The following EXOC6B variants were observed in gnomAD, a reference collection of about 807,000 sequenced individuals.
EXOC6B encodes exocyst complex component 6B, also known as SEC15 homolog B.
Under a neutral mutation model 113.5 loss-of-function variants are expected in EXOC6B, and 54 were observed. The observed-to-expected ratio is 0.48, with a 90% CI of 0.38 to 0.60. The LOEUF is 0.60. Among genes scored for constraint, EXOC6B ranks in the 20% least tolerant of loss-of-function variants. The probability of loss-of-function intolerance (pLI) is 0.00; values close to 1 mark genes in which losing one functional copy is unlikely to be tolerated. For synonymous variants in EXOC6B, 357 were observed against 339.0 expected, an observed-to-expected ratio of 1.05 and a Z score of -0.58; for missense variants, 797 against 977.5, an observed-to-expected ratio of 0.82 and a Z score of 2.46.
At chr2:72,595,292 T>TATATAG (rs1558828060) in intron 6 of EXOC6B, among the ~76,000 whole-genome samples, 25 of 143,014 alleles carry the variant, frequency 1.7e-4, no homozygotes, top group South Asian at 8.7e-4. Flanking sequence ...TAGATATATA[T>TATATAG]ATCTATATAT....
In EXOC6B at chr2:72,397,660, T is replaced by TAAAATAAAATAAAATAAAAATA. The variant is rs146573352; in HGVS notation, c.1981-17791_1981-17790insTATTTTTATTTTATTTTATTTT. On this transcript the variant is annotated intron_variant, in intron 18 of 21. Coordinates refer to ENST00000272427, the MANE Select transcript of EXOC6B (RefSeq NM_015189.3). ...TAAAATAAAATAAAATAAAATAAAA[T>TAAAATAAAATAAAATAAAAATA]TATATATATATACACTCATATATTC... 3.8e-4 allele frequency among the ~76,000 whole-genome samples: 53 copies of TAAAATAAAATAAAATAAAAATA among 139,890 alleles called. 1 individual carries two copies. The highest frequency in any genetic ancestry group is 9.7e-4 in the Admixed American group (14 of 14,436). 91.8% of individuals were successfully genotyped at this position (139,890 alleles called of 152,430 possible).
chr2:72,639,825 T>C (rs559280414), intron 6 of EXOC6B, among the ~76,000 whole-genome samples: 2 of 152,278 alleles, frequency 1.3e-5, no homozygotes, highest in African/African-American at 4.8e-5. Flanking sequence ...ACAATCGTAT[T>C]CTCAAAGTCA....
chr2:72,708,499 A>G (rs1187893441), intron 6 of EXOC6B, among the ~76,000 whole-genome samples: 2 of 152,174 alleles, frequency 1.3e-5, no homozygotes, highest in Non-Finnish European at 2.9e-5. Context: ...ATAATATTCC[A>G]TTTATACAAT....
intron 20 of EXOC6B, among the ~76,000 whole-genome samples, chr2:72,310,328 A>G (rs1572894123): frequency 6.6e-6 from 1 of 152,266 alleles, no homozygotes; most frequent in East Asian, 1.9e-4. Flanking sequence ...ATTATAGCCA[A>G]CCTGGTGGGT....
chr2:72,312,983 GT>G (rs568189196), intron 20 of EXOC6B, among the ~76,000 whole-genome samples: 72 of 152,154 alleles, frequency 4.7e-4, no homozygotes, highest in Non-Finnish European at 8.7e-4. Flanking sequence ...TACATAGAAG[GT>G]GGCTCCATTA....
At chr2:72,823,465 AAAAAAAAAAAAAAC>A (rs1365347275) in intron 1 of EXOC6B, among the ~76,000 whole-genome samples, 11 of 133,104 alleles carry the variant, frequency 8.3e-5, no homozygotes, top group East Asian at 2.0e-4. Context: ...TTAAGAAAAA[AAAAAAAAAAAAAAC>A]AAAAAACAAA....
intron 1 of EXOC6B, among the ~76,000 whole-genome samples, chr2:72,821,808 G>A (rs1284040407): frequency 2.6e-5 from 4 of 152,108 alleles, no homozygotes; most frequent in Non-Finnish European, 5.9e-5. Context: ...GGAACAGAAT[G>A]GAGAGACCAC....
intron 19 of EXOC6B, among the ~76,000 whole-genome samples, chr2:72,344,832 A>T (rs75341482): frequency 6.6e-6 from 1 of 151,556 alleles, no homozygotes; most frequent in Non-Finnish European, 1.5e-5. Context: ...AAGTAGGGGG[A>T]AAAAAAAGCA....
intron 6 of EXOC6B, among the ~76,000 whole-genome samples, chr2:72,676,318 G>C (rs1676311052): frequency 6.6e-6 from 1 of 152,078 alleles, no homozygotes; most frequent in Non-Finnish European, 1.5e-5. Flanking sequence ...ATCTGATTTA[G>C]TGAAAAGCAC....
intron 18 of EXOC6B, among the ~76,000 whole-genome samples, chr2:72,445,249 G>A (rs1240831827): frequency 6.6e-6 from 1 of 152,084 alleles, no homozygotes; most frequent in Non-Finnish European, 1.5e-5. Flanking sequence ...ATCTCCATTT[G>A]AGACCACCTC....
chr2:72,345,982 A>G (rs1689308796), intron 19 of EXOC6B, among the ~76,000 whole-genome samples: 1 of 152,124 alleles, frequency 6.6e-6, no homozygotes, highest in Non-Finnish European at 1.5e-5. Context: ...CTGGGAACCT[A>G]AAACTGTTCC....
chr2:72,482,394 A>T (rs1699154833), intron 16 of EXOC6B, among the ~76,000 whole-genome samples: 1 of 151,928 alleles, frequency 6.6e-6, no homozygotes, highest in African/African-American at 2.4e-5. Context: ...ATTTTCACAA[A>T]AATATGTCTG....
chr2:72,707,419 C>CTT (rs1299173430), intron 6 of EXOC6B, among the ~76,000 whole-genome samples: 16 of 143,430 alleles, frequency 1.1e-4, no homozygotes, highest in African/African-American at 3.6e-4. Context: ...TTTTTCTTTT[C>CTT]TTTTTTTTTT....
At chr2:72,748,312 T>G (rs1681826901) in intron 1 of EXOC6B, among the ~76,000 whole-genome samples, 1 of 152,054 alleles carries the variant, frequency 6.6e-6, no homozygotes, top group African/African-American at 2.4e-5. Context: ...CATAAAAGCA[T>G]CATTAGTATT....
chr2:72,276,539 A>G (rs1233324700), intron 20 of EXOC6B, among the ~76,000 whole-genome samples: 3 of 152,172 alleles, frequency 2.0e-5, no homozygotes, highest in East Asian at 1.9e-4. Context: ...TCTAGGACCA[A>G]CTGACCCATT....
At chr2:72,706,372 C>T (rs1678878814) in intron 6 of EXOC6B, among the ~76,000 whole-genome samples, 1 of 152,110 alleles carries the variant, frequency 6.6e-6, no homozygotes, top group African/African-American at 2.4e-5. Context: ...GAAAGGTTAA[C>T]TTGCCTTCTT....
intron 1 of EXOC6B, among the ~76,000 whole-genome samples, chr2:72,801,588 C>T (rs931468625): frequency 6.6e-5 from 10 of 152,064 alleles, no homozygotes; most frequent in East Asian, 1.9e-4. Context: ...ATAAATAATG[C>T]GTCTGTCATC....
intron 14 of EXOC6B, among the ~76,000 whole-genome samples, 154 bp from the exon 15 acceptor site, chr2:72,495,693 G>C (rs796112389): frequency 6.6e-6 from 1 of 152,064 alleles, no homozygotes; most frequent in East Asian, 1.9e-4. Flanking sequence ...AAAGTTTTCT[G>C]ATATTAAAAA....
At chr2:72,402,156 G>C (rs1185597828) in intron 18 of EXOC6B, among the ~76,000 whole-genome samples, 1 of 151,954 alleles carries the variant, frequency 6.6e-6, no homozygotes, top group Non-Finnish European at 1.5e-5. Flanking sequence ...GGAGGCTTTT[G>C]ATTACAAAAT....
Sources: allele counts gnomAD v4.1 joint callset (sites outside exome capture counted in the v4.1 genomes callset), GRCh38; gene constraint gnomAD v4.1.1; transcripts MANE v1.5; gene names NCBI Gene and HGNC (gene_info 2026-07-23, HGNC 2026-07-21).